The following MYO1E variants were observed in gnomAD, a reference collection of about 807,000 sequenced individuals.
MYO1E encodes the protein unconventional myosin-Ie.
Under a neutral mutation model 151.1 loss-of-function variants are expected in MYO1E, and 68 were observed. The observed-to-expected ratio is 0.45, with a 90% CI of 0.37 to 0.55. The LOEUF (loss-of-function observed/expected upper bound fraction) is 0.55. MYO1E is among the 20% of genes least tolerant of loss of function. The pLI is 0.00. For missense variants in MYO1E, 1,363 were observed against 1,389.3 expected (o/e 0.98, Z 0.30); for synonymous variants, 601 against 501.7 (o/e 1.20, Z -2.64).
intron 2 of MYO1E, among the ~76,000 whole-genome samples, chr15:59,268,088 C>T (rs991033614): frequency 2.0e-5 from 3 of 152,174 alleles, no homozygotes; most frequent in African/African-American, 4.8e-5. Context: ...AGTCTCTTCT[C>T]GTCTTAACAA....
intron 4 of MYO1E, among the ~76,000 whole-genome samples, chr15:59,240,992 G>A (rs1404247464): frequency 1.3e-5 from 2 of 152,210 alleles, no homozygotes; most frequent in African/African-American, 4.8e-5. Context: ...ATAACACAGT[G>A]GAGATGTGGG....
chr15:59,360,444 G>A (rs1391947616), intron 1 of MYO1E, among the ~76,000 whole-genome samples: 1 of 152,174 alleles, frequency 6.6e-6, no homozygotes, highest in Non-Finnish European at 1.5e-5. Context: ...GAATTGGGCA[G>A]CAAGAAGTAT....
chr15:59,329,806 A>C (rs2080687564), intron 1 of MYO1E, among the ~76,000 whole-genome samples: 1 of 152,228 alleles, frequency 6.6e-6, no homozygotes, highest in Admixed American at 6.5e-5. Context: ...TCAAATCCCC[A>C]TGGACAGGGC....
At chr15:59,282,749 G>T in intron 1 of MYO1E, among the ~76,000 whole-genome samples, 1 of 149,762 alleles carries the variant, frequency 6.7e-6, no homozygotes, top group Admixed American at 6.7e-5. Flanking sequence ...TCGAGAGCCG[G>T]AGGCAGGAGG....
chr15:59,169,185 AAATCGTAACT>A (rs2079578033), intron 22 of MYO1E, among the ~76,000 whole-genome samples: 1 of 152,226 alleles, frequency 6.6e-6, no homozygotes, highest in African/African-American at 2.4e-5. Context: ...ATACTTTGAT[AAATCGTAACT>A]AGGAGGCCAT....
chr15:59,225,342 A>C (rs951247568), intron 7 of MYO1E, among the ~76,000 whole-genome samples: 1 of 152,146 alleles, frequency 6.6e-6, no homozygotes, highest in Admixed American at 6.5e-5. Context: ...GAACCCTTGC[A>C]TGGCTATTTT....
chr15:59,348,938 A>G (rs1162102761), intron 1 of MYO1E: 3 of 152,376 alleles, frequency 2.0e-5, no homozygotes, highest in South Asian at 2.1e-4. Flanking sequence ...GCCGAGTTCA[A>G]TATCTTAATG....
chr15:59,359,303 A>G (rs1012309426), intron 1 of MYO1E, among the ~76,000 whole-genome samples: 1 of 144,656 alleles, frequency 6.9e-6, no homozygotes, highest in Non-Finnish European at 1.5e-5. Context: ...ATGTATGTGT[A>G]TATATATATA....
chr15:59,230,215 A>ATGT (rs1491451289), intron 6 of MYO1E, among the ~76,000 whole-genome samples: 1 of 118,346 alleles, frequency 8.4e-6, no homozygotes, highest in Non-Finnish European at 1.7e-5. Context: ...AGAGAGAGAC[A>ATGT]GTGTGTGTTT....
Position 59,195,470 on chromosome 15 carries a change from T to C in MYO1E, c.1796A>G (p.Glu599Gly). The C allele has an allele frequency of 6.2e-7, 1 of 1,613,322 alleles. No individual in the cohort carries two copies. Among genetic ancestry groups the C allele is most frequent in the Non-Finnish European group, 8.5e-7 (1 of 1,179,218 alleles). Residue 599 changes from glutamate (E) to glycine (G), a missense_variant, in exon 17 of 28, where the codon GAG becomes GGG. Coordinates refer to ENST00000288235, the MANE Select transcript of MYO1E (RefSeq NM_004998.4). ...PNETKKPRDW[E>G]ESRVKHQVEY... ...CGGTTTCCCCCGATACCTGCTTTCC[T>C]CCCAGTCTCTGGGCTTCTTGGTTTC...
At chr15:59,239,693 C>T (rs1459597675) in intron 4 of MYO1E, among the ~76,000 whole-genome samples, 2 of 152,158 alleles carry the variant, frequency 1.3e-5, no homozygotes, top group African/African-American at 4.8e-5. Context: ...TATCTGCATT[C>T]TCAGCAACTA....
chr15:59,297,763 G>A (rs563392486), intron 1 of MYO1E, among the ~76,000 whole-genome samples: 3 of 151,848 alleles, frequency 2.0e-5, no homozygotes, highest in East Asian at 1.9e-4. Context: ...TTGAATTTTA[G>A]TACAGATGAG....
chr15:59,225,446 C>T (rs1343080438), intron 7 of MYO1E, among the ~76,000 whole-genome samples: 1 of 152,138 alleles, frequency 6.6e-6, no homozygotes, highest in Admixed American at 6.5e-5. Context: ...CTGTCGATGT[C>T]GCCCTGAGGC....
At chr15:59,275,064 G>C (rs544948180) in intron 1 of MYO1E, among the ~76,000 whole-genome samples, 10 of 152,314 alleles carry the variant, frequency 6.6e-5, no homozygotes, top group Admixed American at 3.3e-4. Flanking sequence ...ATGCCATATA[G>C]GAGGAAACTG....
chr15:59,280,192 C>T (rs1275618911), intron 1 of MYO1E, among the ~76,000 whole-genome samples: 1 of 152,124 alleles, frequency 6.6e-6, no homozygotes, highest in African/African-American at 2.4e-5. Context: ...ACTTTCTCTG[C>T]CTGAAATGTC....
rs1290267352 is a variant in MYO1E at position 59,216,594 on chromosome 15, GTATCTATC to G, written c.1107+1289_1107+1296del. Among the ~76,000 whole-genome samples, 455 of 100,480 alleles carry G rather than the reference GTATCTATC, an allele frequency of 4.5e-3. 7 individuals are homozygous for G. The highest frequency in any genetic ancestry group is 0.015 in the African/African-American group (417 of 27,052). 65.9% of individuals were successfully genotyped at this position (100,480 alleles called of 152,430 possible). ...TAAGAGTTTATGTGTGTGTGTGTGT[GTATCTATC>G]TATCTATCTATCTATCTATCTTTTG... On this transcript the variant is annotated intron_variant, in intron 10 of 27. Transcript: ENST00000288235.
intron 1 of MYO1E, among the ~76,000 whole-genome samples, chr15:59,312,374 C>G (rs371679991): frequency 7.9e-4 from 120 of 152,214 alleles, no homozygotes; most frequent in African/African-American, 2.6e-3. Flanking sequence ...GAACTTGGGC[C>G]GAGCCTGGAG....
At chr15:59,272,211 C>G in intron 2 of MYO1E, 95 bp downstream of exon 2, 1 of 1,431,988 alleles carries the variant, frequency 7.0e-7, no homozygotes, top group South Asian at 1.2e-5. Context: ...GCTGGGATTA[C>G]ACACGTGAGC....
intron 16 of MYO1E, among the ~76,000 whole-genome samples, chr15:59,196,140 A>G (rs569900127): frequency 6.6e-6 from 1 of 152,332 alleles, no homozygotes; most frequent in Admixed American, 6.5e-5. Context: ...ATTCCATTTC[A>G]TTCAGTTTCT....
Sources: allele counts gnomAD v4.1 joint callset (sites outside exome capture counted in the v4.1 genomes callset), GRCh38; gene constraint gnomAD v4.1.1; transcripts MANE v1.5; gene names NCBI Gene and HGNC (gene_info 2026-07-23, HGNC 2026-07-21).